Variants in WDPCP observed in about 807,000 individuals in gnomAD.
WDPCP encodes WD repeat-containing and planar cell polarity effector protein fritz homolog.
WDPCP carries 71 observed loss-of-function variants against 93.1 expected under a neutral mutation model. The observed-to-expected ratio is 0.76, with a 90% CI of 0.63 to 0.93. The LOEUF (loss-of-function observed/expected upper bound fraction) is 0.93. Ranked by LOEUF, WDPCP falls within the 40% of genes least tolerant of loss-of-function variation. The pLI, the probability that WDPCP is intolerant of heterozygous loss-of-function variation, is 0.00. For missense variants in WDPCP, 844 were observed against 887.4 expected (o/e 0.95, Z 0.62); for synonymous variants, 315 against 315.0 (o/e 1.00, Z 0.00).
At chr2:63,207,611 G>A (rs974932079) in intron 14 of WDPCP, among the ~76,000 whole-genome samples, 18 of 152,062 alleles carry the variant, frequency 1.2e-4, no homozygotes, top group Non-Finnish European at 2.5e-4. Context: ...AAGTGTTGCT[G>A]ACAAAAAGTG....
chr2:63,449,102 C>A (rs535921895), intron 6 of WDPCP, among the ~76,000 whole-genome samples: 1 of 152,250 alleles, frequency 6.6e-6, no homozygotes. Context: ...AGCAAAACAT[C>A]ACATTGTACC....
intron 2 of WDPCP, among the ~76,000 whole-genome samples, chr2:63,732,689 C>T (rs1669579386): frequency 6.6e-6 from 1 of 151,964 alleles, no homozygotes; most frequent in African/African-American, 2.4e-5. Flanking sequence ...AATGATGGTT[C>T]TACAATAAAA....
At chr2:63,616,445 G>C (rs2106633788) in intron 3 of WDPCP, among the ~76,000 whole-genome samples, 2 of 152,318 alleles carry the variant, frequency 1.3e-5, no homozygotes, top group East Asian at 3.9e-4. Flanking sequence ...GTCCATGCTA[G>C]ACCCTCACCT....
chr2:63,128,801 TG>T (rs1574670805), intron 17 of WDPCP, among the ~76,000 whole-genome samples: 1 of 152,202 alleles, frequency 6.6e-6, no homozygotes, highest in African/African-American at 2.4e-5. Context: ...CTCGAGTAGC[TG>T]GGATTACAGG....
intron 12 of WDPCP, among the ~76,000 whole-genome samples, chr2:63,359,143 G>A (rs1002815148): frequency 1.5e-4 from 22 of 146,568 alleles, no homozygotes; most frequent in Admixed American, 2.8e-4. Context: ...TTGTATGTTC[G>A]TATCTCAATA....
intron 15 of WDPCP, among the ~76,000 whole-genome samples, chr2:63,161,523 T>G (rs1445291105): frequency 6.6e-6 from 1 of 152,272 alleles, no homozygotes; most frequent in East Asian, 1.9e-4. Context: ...AACACACACT[T>G]CAATATTTCA....
rs147650993 is a variant in WDPCP, at chr2:63,129,123, G to A, written c.2191-7067C>T. ...TATCAGAACTTCATTCCCTTTTTAG[G>A]GCTGAATAATATTTCATTATATGTA... On this transcript the variant is annotated intron_variant, in intron 17 of 17. Transcript: ENST00000272321. 2.3e-3 allele frequency among the ~76,000 whole-genome samples: 348 copies of A among 152,192 alleles called. 1 individual carries two copies. Among genetic ancestry groups the A allele is most frequent in the Middle Eastern group, 3.4e-3 (1 of 294 alleles).
At position 63,174,717 on chromosome 2, in the gene WDPCP, G is replaced by T. The variant is rs753121252; in HGVS notation, c.2031C>A (p.Thr677=). The T allele has an allele frequency of 2.5e-6, 4 of 1,613,836 alleles. No individual in the cohort carries two copies. The highest frequency in any genetic ancestry group is 1.7e-5 in the Admixed American group (1 of 59,974). The part of the protein sequence containing the change: ...FPDNLPPSCP[T]HRHILQQRIL... ...TTCTTTGTTGTAAAATATGTCTGTG[G>T]GTTGGGCAAGAGGGAGGGAGGTTAT... Residue 677 remains threonine, a synonymous_variant, in exon 15 of 18, where the codon ACC becomes ACA. Transcript: ENST00000272321.
intron 1 of WDPCP, among the ~76,000 whole-genome samples, chr2:63,557,898 T>C (rs191965868): frequency 2.6e-5 from 4 of 152,138 alleles, no homozygotes; most frequent in East Asian, 3.9e-4. Flanking sequence ...GAATGACTCC[T>C]GGGTAAATAA....
intron 13 of WDPCP, among the ~76,000 whole-genome samples, chr2:63,290,065 T>A (rs1344327319): frequency 6.6e-6 from 1 of 152,042 alleles, no homozygotes; most frequent in African/African-American, 2.4e-5. Flanking sequence ...GCTTTTTGAG[T>A]ATCCATCCAG....
At chr2:63,416,167 C>T (rs573984630) in intron 9 of WDPCP, among the ~76,000 whole-genome samples, 3 of 151,490 alleles carry the variant, frequency 2.0e-5, no homozygotes, top group Admixed American at 6.6e-5. Flanking sequence ...AAACTAAGTT[C>T]GTCCTATGCT....
intron 14 of WDPCP, chr2:63,229,144 A>T (rs1277127503): frequency 6.6e-6 from 1 of 152,206 alleles, no homozygotes; most frequent in African/African-American, 2.4e-5. Flanking sequence ...GTGAGACGGT[A>T]TCTCATTGTG....
chr2:63,321,988 C>T (rs1687135887), intron 12 of WDPCP, among the ~76,000 whole-genome samples: 1 of 152,140 alleles, frequency 6.6e-6, no homozygotes, highest in Non-Finnish European at 1.5e-5. Flanking sequence ...GGGAAGTAGA[C>T]ACCACTGAAG....
rs927264796 is a variant in WDPCP at position 63,745,506 on chromosome 2, A to C, written n.308+68116T>G. ...TTTAGAACTCATAGTTGTTGGTTTTAGATATTTTTAATTAGACAAGGTAAT... is the reference window on the plus strand; with the variant it reads ...TTTAGAACTCATAGTTGTTGGTTTTCGATATTTTTAATTAGACAAGGTAAT... On this transcript the variant is annotated intron_variant and non_coding_transcript_variant, in intron 2 of 4. Coordinates refer to the WDPCP transcript ENST00000467687. Among the ~76,000 whole-genome samples, 3 of 152,162 alleles carry C rather than the reference A, an allele frequency of 2.0e-5. No individual in the cohort carries two copies. The East Asian group carries it at 5.8e-4, about 29-fold the overall frequency.
intron 2 of WDPCP, among the ~76,000 whole-genome samples, chr2:63,778,995 C>T (rs1475235707): frequency 6.6e-6 from 1 of 152,150 alleles, no homozygotes; most frequent in Non-Finnish European, 1.5e-5. Flanking sequence ...CCCTCTCTCT[C>T]CCAATTGAGA....
intron 9 of WDPCP, among the ~76,000 whole-genome samples, chr2:63,432,085 G>GT (rs1486932540): frequency 2.0e-5 from 3 of 152,084 alleles, no homozygotes; most frequent in African/African-American, 7.2e-5. Context: ...AGTTTTACAG[G>GT]TAAGTTTTAT....
chr2:63,589,155 C>T, upstream of WDPCP: 2 of 1,612,204 alleles, frequency 1.2e-6, no homozygotes, highest in Non-Finnish European at 1.7e-6. Context: ...CACTGTCCTT[C>T]GCGCCCTTTG....
At chr2:63,684,446 T>C (rs878858769) in intron 2 of WDPCP, 2 of 844,858 alleles carry the variant, frequency 2.4e-6, no homozygotes, top group Non-Finnish European at 4.1e-6. Flanking sequence ...TGGAATTGAC[T>C]GCTACCCCCG....
At chr2:63,687,064 T>C (rs761465927) in intron 2 of WDPCP, among the ~76,000 whole-genome samples, 1 of 152,198 alleles carries the variant, frequency 6.6e-6, no homozygotes, top group African/African-American at 2.4e-5. Flanking sequence ...ACACTAATGA[T>C]AGCTGATGAG....
Sources: gnomAD v4.1 joint callset for allele counts (sites outside exome capture counted in the v4.1 genomes callset) on GRCh38, gnomAD v4.1.1 for gene constraint, MANE v1.5 for transcripts, NCBI Gene and HGNC (gene_info 2026-07-23, HGNC 2026-07-21) for gene names.